Variants in ROBO1 observed in about 807,000 individuals in gnomAD.
ROBO1 encodes roundabout guidance receptor 1.
Under a neutral mutation model 195.9 loss-of-function variants are expected in ROBO1, and 149 were observed. The ratio of observed to expected loss-of-function variants is 0.76; its 90% CI spans 0.67 to 0.87. The LOEUF is 0.87. Ranked by LOEUF, ROBO1 falls within the 40% of genes least tolerant of loss-of-function variation. The pLI, the probability that ROBO1 is intolerant of heterozygous loss-of-function variation, is 0.00. For missense variants in ROBO1, 1,933 were observed against 2,068.3 expected, an observed-to-expected ratio of 0.93 and a Z score of 1.27; for synonymous variants, 816 against 733.2, an observed-to-expected ratio of 1.11 and a Z score of -1.82.
In ROBO1 at chr3:79,323,856, T is replaced by C. The variant is rs554022612; in HGVS notation, c.89-198317A>G. Among the ~76,000 whole-genome samples, 19 of 152,288 alleles carry C rather than the reference T, an allele frequency of 1.2e-4. No individual in the cohort carries two copies. In the South Asian group the frequency reaches 3.7e-3, roughly 30 times the overall value. On this transcript the variant is annotated intron_variant, in intron 2 of 30. Transcript: ENST00000464233. ...CAAGTTGCAAATTACGCATTTTCCT[T>C]AACCCAGTAGTATAGATGTATGCCC...
chr3:78,797,803 A>C (rs1430850360), intron 4 of ROBO1, among the ~76,000 whole-genome samples: 1 of 152,204 alleles, frequency 6.6e-6, no homozygotes, highest in East Asian at 1.9e-4. Context: ...ATATGGTAAT[A>C]AAATAACCCT....
chr3:79,630,489 C>T (rs1409863649), intron 1 of ROBO1, among the ~76,000 whole-genome samples: 2 of 151,874 alleles, frequency 1.3e-5, no homozygotes, highest in Admixed American at 6.6e-5. Context: ...AAGAATCATA[C>T]CTCAAAATAA....
chr3:79,400,276 A>C (rs916308003), intron 2 of ROBO1, among the ~76,000 whole-genome samples: 1 of 152,168 alleles, frequency 6.6e-6, no homozygotes, highest in African/African-American at 2.4e-5. Context: ...AGATACATAT[A>C]TAACAACCCC....
intron 2 of ROBO1, among the ~76,000 whole-genome samples, chr3:79,480,978 C>T (rs1295579359): frequency 1.3e-5 from 2 of 152,046 alleles, no homozygotes; most frequent in Non-Finnish European, 2.9e-5. Flanking sequence ...TTCCTCCATA[C>T]ATTTCCTATT....
chr3:78,910,154 T>C (rs2038160161), intron 4 of ROBO1, among the ~76,000 whole-genome samples: 1 of 151,838 alleles, frequency 6.6e-6, no homozygotes, highest in African/African-American at 2.4e-5. Flanking sequence ...ATAATAATTT[T>C]GCAGCTGAAA....
At chr3:79,101,315 G>T (rs1257682701) in intron 3 of ROBO1, among the ~76,000 whole-genome samples, 1 of 151,762 alleles carries the variant, frequency 6.6e-6, no homozygotes, top group Non-Finnish European at 1.5e-5. Context: ...CTCATGGGTG[G>T]ACAGCGCAAA....
chr3:78,925,507 C>G (rs575905931), intron 4 of ROBO1, among the ~76,000 whole-genome samples: 42 of 152,312 alleles, frequency 2.8e-4, no homozygotes, highest in Admixed American at 2.7e-3. Context: ...TGCGCAATCA[C>G]TCATTTCCAC....
intron 2 of ROBO1, among the ~76,000 whole-genome samples, chr3:79,343,044 T>C (rs1240795967): frequency 6.6e-6 from 1 of 152,196 alleles, no homozygotes; most frequent in African/African-American, 2.4e-5. Context: ...ATTGTTCTCT[T>C]CACTGTTTTT....
chr3:78,938,602 G>A lies in ROBO1; in HGVS notation c.498C>T (p.Ala166=). ...AVSHNASLEV[A]ILRDDFRQNP... is the part of the protein sequence containing the mutation. ...ACACAGAGCGCCCAGTTTACTTACT[G>A]GCTACTTCCAGCGATGCATTGTGGC... The change falls in exon 4 of 31, where the codon GCC becomes GCT. Residue 166 remains alanine (A), a splice_region_variant and synonymous_variant. Coordinates refer to ENST00000464233, the MANE Select transcript of ROBO1 (RefSeq NM_002941.4). 1 of 1,604,066 alleles carries A rather than the reference G, an allele frequency of 6.2e-7. No homozygotes were observed. The highest frequency in any genetic ancestry group is 8.5e-7 in the Non-Finnish European group (1 of 1,172,752).
chr3:79,027,717 T>G (rs550308908), intron 3 of ROBO1, among the ~76,000 whole-genome samples: 6 of 152,102 alleles, frequency 3.9e-5, no homozygotes, highest in Non-Finnish European at 4.4e-5. Flanking sequence ...CCAATTTCAT[T>G]GCTGGAACTA....
intron 2 of ROBO1, among the ~76,000 whole-genome samples, chr3:79,266,952 T>C (rs1406604630): frequency 2.0e-5 from 3 of 151,576 alleles, no homozygotes; most frequent in Non-Finnish European, 4.4e-5. Flanking sequence ...TTTCTCCCAT[T>C]ATCCTCCGTT....
intron 2 of ROBO1, among the ~76,000 whole-genome samples, chr3:79,401,969 T>C (rs1293177909): frequency 1.3e-5 from 2 of 151,914 alleles, no homozygotes; most frequent in African/African-American, 4.8e-5. Flanking sequence ...CAGTAGTGTG[T>C]GTGCTTATGT....
At chr3:79,423,726 A>C (rs1212420912) in intron 2 of ROBO1, among the ~76,000 whole-genome samples, 3 of 152,132 alleles carry the variant, frequency 2.0e-5, no homozygotes, top group Non-Finnish European at 4.4e-5. Context: ...CAAAAGATTC[A>C]GTATTCAGCA....
intron 3 of ROBO1, among the ~76,000 whole-genome samples, chr3:78,996,869 T>C (rs1180228139): frequency 1.3e-5 from 2 of 152,220 alleles, no homozygotes; most frequent in Non-Finnish European, 2.9e-5. Context: ...GTATGATTTA[T>C]GTAGAGGTGG....
intron 2 of ROBO1, among the ~76,000 whole-genome samples, chr3:79,236,220 T>G (rs2082404636): frequency 6.6e-6 from 1 of 152,216 alleles, no homozygotes; most frequent in South Asian, 2.1e-4. Context: ...TAGTATTTAC[T>G]GACTTCTCTG....
rs530347103 is a variant in ROBO1, at chr3:79,496,379, G to A, written c.88+93445C>T. Among the ~76,000 whole-genome samples, 630 of 107,668 alleles carry A rather than the reference G, an allele frequency of 5.9e-3. 38 individuals carry two copies. The highest frequency in any genetic ancestry group is 0.027 in the African/African-American group (592 of 22,230). The allele number at this position is 107,668 out of a possible 152,430, so 70.6% of individuals were successfully genotyped here. On this transcript the variant is annotated intron_variant, in intron 2 of 30. Transcript: ENST00000464233. Reference sequence around the variant, plus strand: ...GGTTACATTTTTGGTATAATGCTGCGCACCCATCTTTTTTTGAGACGGAGT... The same window carrying A: ...GGTTACATTTTTGGTATAATGCTGCACACCCATCTTTTTTTGAGACGGAGT...
chr3:79,038,743 T>C (rs2078427545), intron 3 of ROBO1, among the ~76,000 whole-genome samples: 1 of 151,320 alleles, frequency 6.6e-6, no homozygotes, highest in Non-Finnish European at 1.5e-5. Context: ...CTCCCTAACA[T>C]CGCATCTGGT....
intron 4 of ROBO1, among the ~76,000 whole-genome samples, chr3:78,936,780 G>A (rs1032212091): frequency 6.6e-6 from 1 of 151,928 alleles, no homozygotes; most frequent in African/African-American, 2.4e-5. Context: ...GAATCCTGAG[G>A]GAGGACTATA....
intron 2 of ROBO1, among the ~76,000 whole-genome samples, chr3:79,298,712 A>C (rs2109051177): frequency 6.6e-6 from 1 of 152,208 alleles, no homozygotes; most frequent in South Asian, 2.1e-4. Flanking sequence ...AAATAATTTA[A>C]AATTAAGATA....
Sources: gnomAD v4.1 joint callset for allele counts (sites outside exome capture counted in the v4.1 genomes callset) on GRCh38, gnomAD v4.1.1 for gene constraint, MANE v1.5 for transcripts, NCBI Gene and HGNC (gene_info 2026-07-23, HGNC 2026-07-21) for gene names.